NR5A2: variants seen among roughly 807,000 people sequenced by gnomAD.
The protein encoded by NR5A2 is nuclear receptor subfamily 5 group A member 2.
In NR5A2, 26 loss-of-function variants were observed where a neutral mutation model predicts 62.7. The ratio of observed to expected loss-of-function variants is 0.41; its 90% CI spans 0.30 to 0.58. The LOEUF is 0.58. Among genes scored for constraint, NR5A2 ranks in the 20% least tolerant of loss-of-function variants. The probability of loss-of-function intolerance (pLI) is 0.22; values close to 1 mark genes in which losing one functional copy is unlikely to be tolerated. For synonymous variants in NR5A2, 246 were observed against 241.7 expected, an observed-to-expected ratio of 1.02 and a Z score of -0.16; for missense variants, 541 against 669.1, an observed-to-expected ratio of 0.81 and a Z score of 2.11.
intron 7 of NR5A2, among the ~76,000 whole-genome samples, chr1:200,154,466 A>C (rs116444175): frequency 6.6e-6 from 1 of 152,324 alleles, no homozygotes; most frequent in African/African-American, 2.4e-5. Flanking sequence ...ACCAGAGAGC[A>C]ATGGGGTGAT....
intron 1 of NR5A2, among the ~76,000 whole-genome samples, chr1:200,036,162 CCA>C (rs1309361880): frequency 1.3e-5 from 2 of 152,292 alleles, no homozygotes; most frequent in African/African-American, 2.4e-5. Flanking sequence ...AGACCCGGTT[CCA>C]CCTACTTACA....
At chr1:200,029,314 T>G (rs1402725080) in intron 1 of NR5A2, 1 of 172,634 alleles carries the variant, frequency 5.8e-6, no homozygotes, top group African/African-American at 2.4e-5. Flanking sequence ...AAAATAGAGT[T>G]GAGCTGGGTC....
intron 5 of NR5A2, among the ~76,000 whole-genome samples, chr1:200,089,241 G>A (rs1430203753): frequency 2.0e-5 from 3 of 152,150 alleles, no homozygotes; most frequent in African/African-American, 7.2e-5. Flanking sequence ...TTGAGACAGA[G>A]TCTTGCACTG....
chr1:200,101,999 C>T (rs1571477827), intron 5 of NR5A2, among the ~76,000 whole-genome samples: 1 of 152,128 alleles, frequency 6.6e-6, no homozygotes, highest in East Asian at 1.9e-4. Context: ...CATTTACATA[C>T]AATACTGTAA....
At chr1:200,030,404 T>TA (rs771358056) in intron 1 of NR5A2, among the ~76,000 whole-genome samples, 1 of 152,194 alleles carries the variant, frequency 6.6e-6, no homozygotes, top group Non-Finnish European at 1.5e-5. Flanking sequence ...AGAATTAAGA[T>TA]AAAGTTGTTC....
intron 5 of NR5A2, among the ~76,000 whole-genome samples, chr1:200,073,235 C>CATATATATAT (rs3033980): frequency 4.6e-4 from 49 of 105,914 alleles, no homozygotes; most frequent in Middle Eastern, 5.2e-3. Context: ...CATTTACATA[C>CATATATATAT]ATATATATAT....
intron 7 of NR5A2, among the ~76,000 whole-genome samples, chr1:200,162,586 A>G (rs1190309085): frequency 6.6e-6 from 1 of 152,196 alleles, no homozygotes; most frequent in African/African-American, 2.4e-5. Context: ...AGGAAAATGC[A>G]TTTGGAGGCG....
chr1:200,086,407 T>A (rs2821318), intron 5 of NR5A2, among the ~76,000 whole-genome samples: 4 of 151,888 alleles, frequency 2.6e-5, no homozygotes, highest in African/African-American at 9.6e-5. Flanking sequence ...GGGTTCAAGC[T>A]ATTCTCCTGC....
At chr1:200,167,370 T>G (rs1653949954) in intron 7 of NR5A2, among the ~76,000 whole-genome samples, 1 of 152,134 alleles carries the variant, frequency 6.6e-6, no homozygotes, top group African/African-American at 2.4e-5. Context: ...GTCTCTCCTA[T>G]TTTTTATTAA....
intron 7 of NR5A2, among the ~76,000 whole-genome samples, chr1:200,172,659 A>G (rs1015856371): frequency 2.0e-5 from 3 of 152,218 alleles, no homozygotes; most frequent in African/African-American, 7.2e-5. Context: ...ATCGTCCTGA[A>G]CACACTTCAA....
intron 5 of NR5A2, among the ~76,000 whole-genome samples, chr1:200,073,623 A>C (rs1047138462): frequency 4.6e-5 from 7 of 152,082 alleles, no homozygotes; most frequent in African/African-American, 1.7e-4. Flanking sequence ...AATACTTTTG[A>C]TCCATGGTTG....
At chr1:200,086,988 G>A (rs185674567) in intron 5 of NR5A2, among the ~76,000 whole-genome samples, 26 of 152,238 alleles carry the variant, frequency 1.7e-4, no homozygotes, top group Non-Finnish European at 2.2e-4. Context: ...GCCATGAGCC[G>A]AGATGGTGCC....
At chr1:200,093,216 T>A (rs1664904108) in intron 5 of NR5A2, among the ~76,000 whole-genome samples, 1 of 152,134 alleles carries the variant, frequency 6.6e-6, no homozygotes, top group African/African-American at 2.4e-5. Flanking sequence ...CATAGGTCAT[T>A]TCTTAATGAA....
intron 1 of NR5A2, chr1:200,029,019 C>A: frequency 2.3e-6 from 1 of 439,140 alleles, no homozygotes; most frequent in South Asian, 1.6e-5. Context: ...AACACACAAT[C>A]AATTGTTCTG....
At position 200,096,999 on chromosome 1, in the gene NR5A2, C is replaced by T. The variant is rs141294689; in HGVS notation, c.1111-14203C>T. Among the ~76,000 whole-genome samples the T allele has an allele frequency of 4.9e-4, 74 of 152,298 alleles. 1 individual carries two copies. The Middle Eastern group carries it at 0.024, about 49-fold the overall frequency. On this transcript the variant is annotated intron_variant, in intron 5 of 7. Coordinates refer to ENST00000367362, the MANE Select transcript of NR5A2 (RefSeq NM_205860.3). ...AACATGTCCCCATCATTAAGCGAAG[C>T]ATGACCTGCATGCATGAGTAATTAT...
At chr1:200,084,718 T>A (rs1664447557) in intron 5 of NR5A2, among the ~76,000 whole-genome samples, 1 of 152,220 alleles carries the variant, frequency 6.6e-6, no homozygotes, top group Non-Finnish European at 1.5e-5. Flanking sequence ...AATGCATTAA[T>A]CCCTTTGTAG....
At chr1:200,101,583 A>G (rs1015939480) in intron 5 of NR5A2, among the ~76,000 whole-genome samples, 2 of 152,160 alleles carry the variant, frequency 1.3e-5, no homozygotes, top group Non-Finnish European at 1.5e-5. Flanking sequence ...TTCCTCCTCT[A>G]TCTTAACATG....
At chr1:200,063,563 G>T (rs1663329027) in intron 5 of NR5A2, among the ~76,000 whole-genome samples, 1 of 152,166 alleles carries the variant, frequency 6.6e-6, no homozygotes, top group Admixed American at 6.5e-5. Flanking sequence ...GTTTATCAAT[G>T]AAGTGTTATA....
chr1:200,082,339 A>G (rs1372428687), intron 5 of NR5A2, among the ~76,000 whole-genome samples: 1 of 152,238 alleles, frequency 6.6e-6, no homozygotes, highest in Non-Finnish European at 1.5e-5. Context: ...ATACAATTCT[A>G]AAAGTTCCTT....
Sources: allele counts gnomAD v4.1 joint callset (sites outside exome capture counted in the v4.1 genomes callset), GRCh38; gene constraint gnomAD v4.1.1; transcripts MANE v1.5; gene names NCBI Gene and HGNC (gene_info 2026-07-23, HGNC 2026-07-21).